SH3RF3: variants seen among roughly 807,000 people sequenced by gnomAD.
The protein encoded by SH3RF3 is SH3 domain containing ring finger 3.
In SH3RF3, 29 loss-of-function variants were observed where a neutral mutation model predicts 66.3. The ratio of observed to expected loss-of-function variants is 0.44; its 90% CI spans 0.33 to 0.60. The LOEUF (loss-of-function observed/expected upper bound fraction) is 0.60. SH3RF3 is among the 20% of genes least tolerant of loss of function. SH3RF3 has a pLI of 0.04. For synonymous variants in SH3RF3, 583 were observed against 532.0 expected (o/e 1.10, Z -1.32); for missense variants, 1,194 against 1,190.9 (o/e 1.00, Z -0.04).
chr2:109,321,668 C>G (rs1001116765), intron 1 of SH3RF3, among the ~76,000 whole-genome samples: 2 of 152,196 alleles, frequency 1.3e-5, no homozygotes, highest in African/African-American at 4.8e-5. Flanking sequence ...AGGGATCTGG[C>G]AAAAATGAAT....
At chr2:109,374,933 C>A (rs1683347988) in intron 3 of SH3RF3, among the ~76,000 whole-genome samples, 1 of 152,240 alleles carries the variant, frequency 6.6e-6, no homozygotes, top group Admixed American at 6.5e-5. Flanking sequence ...CAGTGCTCTC[C>A]CTCCGTGGTT....
intron 1 of SH3RF3, among the ~76,000 whole-genome samples, chr2:109,277,010 C>T (rs1022308067): frequency 6.6e-6 from 1 of 152,138 alleles, no homozygotes; most frequent in African/African-American, 2.4e-5. Flanking sequence ...ACAGAATCAA[C>T]AGACTTCCCT....
In SH3RF3 at chr2:109,483,826, T is replaced by C. The variant is rs143088296; in HGVS notation, c.2149-6779T>C. Among the ~76,000 whole-genome samples the C allele has an allele frequency of 2.0e-5, 3 of 152,264 alleles. No individual in the cohort carries two copies. The East Asian group carries it at 5.8e-4, about 30-fold the overall frequency. ...GGTTGCCTTCCCTGTAAACTCCTCCTGTGACTGTCCCCATCAGCAGCCCCA... is the reference window on the plus strand; with the variant it reads ...GGTTGCCTTCCCTGTAAACTCCTCCCGTGACTGTCCCCATCAGCAGCCCCA... On this transcript the variant is annotated intron_variant, in intron 8 of 9. Coordinates refer to ENST00000309415, the MANE Select transcript of SH3RF3 (RefSeq NM_001099289.3).
intron 1 of SH3RF3, among the ~76,000 whole-genome samples, chr2:109,230,191 A>G (rs1190393358): frequency 6.6e-6 from 1 of 152,064 alleles, no homozygotes; most frequent in Non-Finnish European, 1.5e-5. Context: ...TTGTTTATCC[A>G]TTCAAATACG....
chr2:109,358,013 G>T (rs906341003), intron 2 of SH3RF3, among the ~76,000 whole-genome samples: 1 of 152,150 alleles, frequency 6.6e-6, no homozygotes, highest in South Asian at 2.1e-4. Flanking sequence ...TACAAAGTAG[G>T]TTCACTGCCC....
At chr2:109,362,234 G>A (rs1683062804) in intron 2 of SH3RF3, among the ~76,000 whole-genome samples, 1 of 152,084 alleles carries the variant, frequency 6.6e-6, no homozygotes, top group Non-Finnish European at 1.5e-5. Flanking sequence ...TACTTTTGCG[G>A]CATCTCACAA....
chr2:109,301,227 G>T (rs907498620), intron 1 of SH3RF3, among the ~76,000 whole-genome samples: 1 of 152,118 alleles, frequency 6.6e-6, no homozygotes, highest in Non-Finnish European at 1.5e-5. Flanking sequence ...GGGGTTTGCT[G>T]ATCTCTGTGC....
intron 1 of SH3RF3, among the ~76,000 whole-genome samples, chr2:109,266,111 GT>G (rs1469544721): frequency 6.6e-6 from 1 of 151,008 alleles, no homozygotes; most frequent in African/African-American, 2.4e-5. Context: ...TGTGTGTTGT[GT>G]GTATGTGTAT....
At chr2:109,405,336 C>T (rs992602971) in intron 4 of SH3RF3, among the ~76,000 whole-genome samples, 10 of 152,264 alleles carry the variant, frequency 6.6e-5, no homozygotes, top group African/African-American at 1.4e-4. Flanking sequence ...TCTTCGTCTT[C>T]GCTAATACCC....
At chr2:109,150,426 C>G (rs1404333284) in intron 1 of SH3RF3, among the ~76,000 whole-genome samples, 1 of 152,160 alleles carries the variant, frequency 6.6e-6, no homozygotes, top group Non-Finnish European at 1.5e-5. Context: ...GAGCCTGGAA[C>G]TACTCTGCTC....
chr2:109,425,869 T>C (rs1677015054), intron 5 of SH3RF3, among the ~76,000 whole-genome samples: 1 of 152,182 alleles, frequency 6.6e-6, no homozygotes, highest in African/African-American at 2.4e-5. Flanking sequence ...GTGTTCTTAT[T>C]TTAAAAGTAC....
At chr2:109,309,670 A>G (rs1681681572) in intron 1 of SH3RF3, among the ~76,000 whole-genome samples, 1 of 128,824 alleles carries the variant, frequency 7.8e-6, no homozygotes, top group South Asian at 2.4e-4. Context: ...TACCAAGCAA[A>G]TGGAAAACAA....
At chr2:109,420,737 G>A (rs114469204) in intron 5 of SH3RF3, among the ~76,000 whole-genome samples, 5 of 152,112 alleles carry the variant, frequency 3.3e-5, no homozygotes, top group South Asian at 2.1e-4. Context: ...GAGCCACCGC[G>A]CCCGGCCAAA....
intron 4 of SH3RF3, among the ~76,000 whole-genome samples, chr2:109,400,509 C>A (rs557886143): frequency 1.3e-5 from 2 of 151,868 alleles, no homozygotes; most frequent in Admixed American, 6.6e-5. Context: ...ACACATACAC[C>A]CCTCCAGGTG....
At chr2:109,274,991 A>G (rs1680720352) in intron 1 of SH3RF3, among the ~76,000 whole-genome samples, 1 of 152,224 alleles carries the variant, frequency 6.6e-6, no homozygotes, top group African/African-American at 2.4e-5. Flanking sequence ...GCATCAATAA[A>G]AGAGCTAGTT....
At position 109,215,487 on chromosome 2, in the gene SH3RF3, C is replaced by T. The variant is rs552316060; in HGVS notation, c.573+85374C>T. Among the ~76,000 whole-genome samples the T allele has an allele frequency of 3.3e-5, 5 of 152,170 alleles. No individual in the cohort carries two copies. In the South Asian group the frequency reaches 8.3e-4, roughly 25 times the overall value. On this transcript the variant is annotated intron_variant, in intron 1 of 9. Transcript: ENST00000309415. ...CCATCAGAACAGGGGTGGGAGGTAGCCGGGCCCTGATTTCAGCAGTGTGTA... is the reference window on the plus strand; with the variant it reads ...CCATCAGAACAGGGGTGGGAGGTAGTCGGGCCCTGATTTCAGCAGTGTGTA...
At chr2:109,492,597 A>G (rs976648155) in intron 9 of SH3RF3, among the ~76,000 whole-genome samples, 2 of 151,622 alleles carry the variant, frequency 1.3e-5, no homozygotes, top group African/African-American at 2.4e-5. Flanking sequence ...CTTCCCACGA[A>G]CCCTATGAAA....
At chr2:109,140,750 A>G (rs1205596857) in intron 1 of SH3RF3, among the ~76,000 whole-genome samples, 1 of 152,182 alleles carries the variant, frequency 6.6e-6, no homozygotes, top group Non-Finnish European at 1.5e-5. Flanking sequence ...TGTGCTCTAC[A>G]CGTGGTTAAT....
chr2:109,139,596 A>T (rs1676891888), intron 1 of SH3RF3, among the ~76,000 whole-genome samples: 1 of 152,210 alleles, frequency 6.6e-6, no homozygotes, highest in African/African-American at 2.4e-5. Context: ...TGGAATTGGG[A>T]GTGTATCTGC....
Sources: gnomAD v4.1 joint callset for allele counts (sites outside exome capture counted in the v4.1 genomes callset) on GRCh38, gnomAD v4.1.1 for gene constraint, MANE v1.5 for transcripts, NCBI Gene and HGNC (gene_info 2026-07-23, HGNC 2026-07-21) for gene names.